TMEM178B: variants seen among roughly 807,000 people sequenced by gnomAD.
TMEM178B encodes the protein transmembrane protein 178B.
TMEM178B carries 5 observed loss-of-function variants against 31.0 expected under a neutral mutation model. The observed-to-expected ratio is 0.16, with a 90% confidence interval of 0.08 to 0.34. TMEM178B has a LOEUF of 0.34. Ranked by LOEUF, TMEM178B falls within the 10% of genes least tolerant of loss-of-function variation. The pLI, the probability that TMEM178B is intolerant of heterozygous loss-of-function variation, is 1.00. For synonymous variants in TMEM178B, 164 were observed against 164.0 expected (o/e 1.00, Z 0.00); for missense variants, 275 against 400.3 (o/e 0.69, Z 2.67).
chr7:141,167,527 C>T (rs987853967), intron 1 of TMEM178B, among the ~76,000 whole-genome samples: 4 of 152,260 alleles, frequency 2.6e-5, no homozygotes, highest in African/African-American at 7.2e-5. Context: ...CCTTTAATCA[C>T]GTCACCGTGT....
chr7:141,074,738 T>C lies in TMEM178B; in HGVS notation c.382+46T>C. The C allele has an allele frequency of 7.0e-7, 1 of 1,433,240 alleles. No individual in the cohort carries two copies. The allele number at this position is 1,433,240 out of a possible 1,614,324, so 88.8% of individuals were successfully genotyped here. ...GTGGCGCTGCGGAGAGCCCGGCGCC[T>C]TTAGGCCCCGCAGCCCCTCGCGTCT... On this transcript the variant is annotated intron_variant, in intron 1 of 3. Coordinates refer to ENST00000565468, the MANE Select transcript of TMEM178B (RefSeq NM_001195278.2). The surrounding 1 kb of genome is among the most constrained non-coding windows in gnomAD (Gnocchi z 5.1).
the TMEM178B span, among the ~76,000 whole-genome samples, chr7:141,500,539 G>A: frequency 2.0e-5 from 3 of 152,176 alleles, no homozygotes. Context: ...ACTGGTCCTT[G>A]TACTACAAGG....
At chr7:141,077,007 C>T (rs1794610111) in intron 1 of TMEM178B, among the ~76,000 whole-genome samples, 1 of 152,188 alleles carries the variant, frequency 6.6e-6, no homozygotes, top group East Asian at 1.9e-4. Flanking sequence ...AAAACCAGAT[C>T]TTCCTTTTCT....
chr7:141,378,661 CA>C (rs1395050949), intron 2 of TMEM178B, among the ~76,000 whole-genome samples: 4 of 152,212 alleles, frequency 2.6e-5, no homozygotes, highest in African/African-American at 9.7e-5. Flanking sequence ...TGACCTTTGC[CA>C]ACCTGCAGAT....
intron 1 of TMEM178B, among the ~76,000 whole-genome samples, chr7:141,094,914 T>G (rs1794933297): frequency 6.6e-6 from 1 of 152,222 alleles, no homozygotes; most frequent in African/African-American, 2.4e-5. Flanking sequence ...TGATGCAGAA[T>G]CAATTTCTTT....
chr7:141,315,492 T>A (rs554133411), intron 2 of TMEM178B, among the ~76,000 whole-genome samples: 24,670 of 152,196 alleles, frequency 0.16, 2,424 homozygotes, highest in Non-Finnish European at 0.22. Flanking sequence ...CTCTTCTCAT[T>A]TGCAAATCTT....
intron 2 of TMEM178B, among the ~76,000 whole-genome samples, chr7:141,304,032 A>G (rs1189179088): frequency 2.6e-5 from 4 of 152,190 alleles, no homozygotes; most frequent in South Asian, 4.1e-4. Flanking sequence ...AGGTTTTTGG[A>G]TGTAAATTTC....
chr7:141,498,026 T>C, the TMEM178B span, among the ~76,000 whole-genome samples: 1 of 152,340 alleles, frequency 6.6e-6, no homozygotes, highest in African/African-American at 2.4e-5. Flanking sequence ...TTTCACTACC[T>C]TATCTCTAAG....
At chr7:141,314,469 G>A (rs1798968076) in intron 2 of TMEM178B, among the ~76,000 whole-genome samples, 1 of 152,194 alleles carries the variant, frequency 6.6e-6, no homozygotes, top group Non-Finnish European at 1.5e-5. Flanking sequence ...GAGCAATCGT[G>A]TGGTTGCTTA....
intron 2 of TMEM178B, among the ~76,000 whole-genome samples, chr7:141,227,196 G>C (rs1797359177): frequency 6.6e-6 from 1 of 152,218 alleles, no homozygotes; most frequent in Admixed American, 6.5e-5. Flanking sequence ...TAAACAAAAT[G>C]CTTTTGGCTG....
At chr7:141,271,683 G>A (rs961384102) in intron 2 of TMEM178B, among the ~76,000 whole-genome samples, 4 of 152,146 alleles carry the variant, frequency 2.6e-5, no homozygotes, top group Non-Finnish European at 5.9e-5. Context: ...TCAACTCAAG[G>A]GTTGCCTGCG....
In TMEM178B at chr7:141,300,797, G is replaced by T. The variant is rs17162059; in HGVS notation, c.496+88093G>T. On this transcript the variant is annotated intron_variant, in intron 2 of 3. Transcript: ENST00000565468. ...TGCCACCACCCCACTACTTCTTCCC[G>T]TTGCCAGACCCCATTCCCATCCTTC... is the stretch of plus-strand genomic sequence containing the variant. 1.6e-3 allele frequency among the ~76,000 whole-genome samples: 238 copies of T among 152,024 alleles called. 6 individuals are homozygous for T. In the East Asian group the frequency reaches 0.036, roughly 23 times the overall value.
At chr7:141,271,384 T>C (rs1224584521) in intron 2 of TMEM178B, among the ~76,000 whole-genome samples, 1 of 152,208 alleles carries the variant, frequency 6.6e-6, no homozygotes, top group Non-Finnish European at 1.5e-5. Flanking sequence ...CCTGAGTTGG[T>C]TTCCTTCTGA....
At chr7:141,378,207 G>T (rs1435814225) in intron 2 of TMEM178B, among the ~76,000 whole-genome samples, 4 of 152,186 alleles carry the variant, frequency 2.6e-5, no homozygotes, top group Non-Finnish European at 5.9e-5. Context: ...TACAGGCTTT[G>T]TGAGTCATAC....
At chr7:141,303,528 G>T (rs534969076) in intron 2 of TMEM178B, among the ~76,000 whole-genome samples, 8 of 152,310 alleles carry the variant, frequency 5.3e-5, no homozygotes, top group Non-Finnish European at 1.0e-4. Context: ...GACGAGCTGC[G>T]TGCTCATGAG....
chr7:141,266,050 T>C (rs1798090580), intron 2 of TMEM178B, among the ~76,000 whole-genome samples: 1 of 152,216 alleles, frequency 6.6e-6, no homozygotes, highest in African/African-American at 2.4e-5. Context: ...ATCTAGCCCA[T>C]TCTGGAGCAC....
At chr7:141,117,704 G>A (rs143326235) in intron 1 of TMEM178B, among the ~76,000 whole-genome samples, 14,146 of 152,208 alleles carry the variant, frequency 0.093, 903 homozygotes, top group Non-Finnish European at 0.15. Context: ...TAAGGAAGGG[G>A]TCCAGTTTCA....
chr7:141,320,434 G>T (rs1242294229), intron 2 of TMEM178B, among the ~76,000 whole-genome samples: 1 of 152,094 alleles, frequency 6.6e-6, no homozygotes, highest in Non-Finnish European at 1.5e-5. Context: ...TGTGACTGAG[G>T]TGACCTCTGG....
At chr7:141,502,996 AT>A in the TMEM178B span, among the ~76,000 whole-genome samples, 8 of 152,142 alleles carry the variant, frequency 5.3e-5, no homozygotes, top group Non-Finnish European at 1.2e-4. Context: ...GGTCCGGGGT[AT>A]TGTGCAAAGT....
Sources: gnomAD v4.1 joint callset for allele counts (sites outside exome capture counted in the v4.1 genomes callset) on GRCh38, gnomAD v4.1.1 for gene constraint, Gnocchi (gnomAD v3.1) non-coding constraint, MANE v1.5 for transcripts, NCBI Gene and HGNC (gene_info 2026-07-23, HGNC 2026-07-21) for gene names.